The following TPD52L1 variants were observed in gnomAD, a reference collection of about 807,000 sequenced individuals.
TPD52L1 encodes tumor protein D53.
A neutral mutation model predicts 28.7 loss-of-function variants in TPD52L1; 18 were observed. The ratio of observed to expected loss-of-function variants is 0.63; its 90% CI spans 0.43 to 0.93. The LOEUF (loss-of-function observed/expected upper bound fraction) is 0.93, where lower values mean the gene tolerates loss of function less well. Among genes scored for constraint, TPD52L1 ranks in the 40% least tolerant of loss-of-function variants. The pLI, the probability that TPD52L1 is intolerant of heterozygous loss-of-function variation, is 0.00. For synonymous variants in TPD52L1, 75 were observed against 88.8 expected, an observed-to-expected ratio of 0.84 and a Z score of 0.88; for missense variants, 203 against 254.8, an observed-to-expected ratio of 0.80 and a Z score of 1.39.
At chr6:125,217,671 G>A (rs374682304) in intron 1 of TPD52L1, among the ~76,000 whole-genome samples, 14 of 152,184 alleles carry the variant, frequency 9.2e-5, no homozygotes, top group South Asian at 2.1e-4. Context: ...TCCATGGCGC[G>A]GGAGTTGGGG....
chr6:125,160,230 A>G (rs1424459686), intron 1 of TPD52L1, among the ~76,000 whole-genome samples: 7 of 152,126 alleles, frequency 4.6e-5, no homozygotes, highest in Admixed American at 4.6e-4. Context: ...TTTTTTTCTG[A>G]GCAGTAGTTC....
chr6:125,233,344 A>C (rs1796064927), intron 3 of TPD52L1, among the ~76,000 whole-genome samples: 1 of 152,176 alleles, frequency 6.6e-6, no homozygotes, highest in African/African-American at 2.4e-5. Flanking sequence ...TGTTCTTCTA[A>C]GACTTCCAGG....
intron 2 of TPD52L1, among the ~76,000 whole-genome samples, chr6:125,224,595 A>C (rs1474941450): frequency 6.6e-6 from 1 of 152,040 alleles, no homozygotes; most frequent in African/African-American, 2.4e-5. Context: ...CCTCTTAGTC[A>C]GTATCTGCAT....
chr6:125,232,678 T>A (rs981481614), intron 3 of TPD52L1, among the ~76,000 whole-genome samples: 1 of 152,168 alleles, frequency 6.6e-6, no homozygotes, highest in Non-Finnish European at 1.5e-5. Flanking sequence ...TAATGAAAGA[T>A]CTTGGCATAT....
intron 1 of TPD52L1, among the ~76,000 whole-genome samples, chr6:125,168,518 ATT>A (rs1171967450): frequency 1.2e-4 from 17 of 139,922 alleles, no homozygotes; most frequent in African/African-American, 1.8e-4. Context: ...TCCTTCTCAG[ATT>A]TTTTTTTTTT....
Position 125,257,097 on chromosome 6 carries a change from G to C in TPD52L1, c.426-1G>C. 5 of 1,610,222 alleles carry C rather than the reference G, an allele frequency of 3.1e-6. No homozygotes were observed. The highest frequency in any genetic ancestry group is 4.2e-6 in the Non-Finnish European group (5 of 1,177,492). ...TGACCTCTCTCTTTTTGTTATTTTA[G>C]GAATTCTCCTACTTTCAAATCATTT... On this transcript the variant is annotated splice_acceptor_variant, in intron 5 of 6. Coordinates refer to ENST00000534000, the MANE Select transcript of TPD52L1 (RefSeq NM_003287.4). LOFTEE classifies it high-confidence loss of function.
chr6:125,201,143 T>C (rs1184525885), intron 1 of TPD52L1, among the ~76,000 whole-genome samples: 3 of 152,194 alleles, frequency 2.0e-5, no homozygotes, highest in African/African-American at 7.2e-5. Context: ...GAAGTCAATC[T>C]ATAGCAAGGG....
intron 3 of TPD52L1, among the ~76,000 whole-genome samples, chr6:125,239,974 C>A (rs923637349): frequency 6.6e-6 from 1 of 152,146 alleles, no homozygotes; most frequent in African/African-American, 2.4e-5. Context: ...AGATTTAAGT[C>A]TCACATTCAT....
At chr6:125,221,562 G>A (rs1025497862) in intron 2 of TPD52L1, among the ~76,000 whole-genome samples, 39 of 152,252 alleles carry the variant, frequency 2.6e-4, no homozygotes, top group African/African-American at 9.1e-4. Context: ...CTGGGCTGTA[G>A]GATTACTGGG....
At chr6:125,209,722 A>G (rs1347869306) in intron 1 of TPD52L1, among the ~76,000 whole-genome samples, 1 of 152,092 alleles carries the variant, frequency 6.6e-6, no homozygotes, top group East Asian at 1.9e-4. Context: ...CTCTCTTCAG[A>G]GTGAAGGGGG....
At chr6:125,170,464 T>C (rs1562205625) in intron 1 of TPD52L1, among the ~76,000 whole-genome samples, 2 of 152,008 alleles carry the variant, frequency 1.3e-5, no homozygotes, top group Admixed American at 1.3e-4. Context: ...AGACCAGATG[T>C]TGGGCAGATT....
At chr6:125,193,237 C>A (rs1373279615) in intron 1 of TPD52L1, among the ~76,000 whole-genome samples, 1 of 152,128 alleles carries the variant, frequency 6.6e-6, no homozygotes, top group Non-Finnish European at 1.5e-5. Flanking sequence ...GTGGCTAAGA[C>A]CTGTCCCTGG....
intron 3 of TPD52L1, among the ~76,000 whole-genome samples, chr6:125,246,511 T>A (rs1796933291): frequency 6.6e-6 from 1 of 152,212 alleles, no homozygotes; most frequent in Non-Finnish European, 1.5e-5. Flanking sequence ...GCCTGTCTCC[T>A]TGATAATAAT....
intron 6 of TPD52L1, among the ~76,000 whole-genome samples, chr6:125,259,186 C>T (rs1337263763): frequency 2.6e-5 from 4 of 152,218 alleles, no homozygotes; most frequent in African/African-American, 7.2e-5. Flanking sequence ...GAATTTCTTG[C>T]AGGTCTATGT....
At chr6:125,210,110 G>A (rs1794398308) in intron 1 of TPD52L1, among the ~76,000 whole-genome samples, 1 of 152,174 alleles carries the variant, frequency 6.6e-6, no homozygotes. Context: ...GAAAGCTTAT[G>A]GACGTTCAGG....
intron 1 of TPD52L1, among the ~76,000 whole-genome samples, chr6:125,178,551 G>A (rs1246450082): frequency 6.6e-6 from 1 of 152,170 alleles, no homozygotes; most frequent in Non-Finnish European, 1.5e-5. Context: ...AACCCGGGAA[G>A]TGGAGGTTGT....
chr6:125,162,490 A>T (rs1197784397), intron 1 of TPD52L1, among the ~76,000 whole-genome samples: 1 of 152,212 alleles, frequency 6.6e-6, no homozygotes, highest in African/African-American at 2.4e-5. Flanking sequence ...ACTTCAGCAG[A>T]TATTGATTCA....
chr6:125,255,914 A>G (rs1429065934), intron 5 of TPD52L1, among the ~76,000 whole-genome samples: 1 of 152,300 alleles, frequency 6.6e-6, no homozygotes, highest in Middle Eastern at 3.4e-3. Flanking sequence ...GGTATTTTTA[A>G]TGGTGGTGAT....
At chr6:125,262,812 T>C in intron 6 of TPD52L1, 22 bp from the exon 7 acceptor site, 1 of 1,589,140 alleles carries the variant, frequency 6.3e-7, no homozygotes, top group Non-Finnish European at 8.5e-7. Context: ...TAACTGCATT[T>C]TTGTGGATCT....
Sources: gnomAD v4.1 joint callset for allele counts (sites outside exome capture counted in the v4.1 genomes callset) on GRCh38, gnomAD v4.1.1 for gene constraint, MANE v1.5 for transcripts, NCBI Gene and HGNC (gene_info 2026-07-23, HGNC 2026-07-21) for gene names.